KIF26B: variants seen among roughly 807,000 people sequenced by gnomAD.
KIF26B encodes kinesin-like protein KIF26B.
In KIF26B, 63 loss-of-function variants were observed where a neutral mutation model predicts 151.2. That is an observed-to-expected ratio of 0.42 (90% CI 0.34 to 0.51). The LOEUF (loss-of-function observed/expected upper bound fraction) is 0.51, where lower values mean the gene tolerates loss of function less well. KIF26B is among the 20% of genes least tolerant of loss of function. The probability of loss-of-function intolerance (pLI) is 0.07; values close to 1 mark genes in which losing one functional copy is unlikely to be tolerated. For missense variants in KIF26B, 2,813 were observed against 2,913.6 expected (o/e 0.97, Z 0.79); for synonymous variants, 1,357 against 1,262.1 (o/e 1.08, Z -1.59).
At chr1:245,200,638 G>C (rs546499247) in intron 2 of KIF26B, among the ~76,000 whole-genome samples, 1 of 152,022 alleles carries the variant, frequency 6.6e-6, no homozygotes, top group South Asian at 2.1e-4. Flanking sequence ...TTTTCTCTCT[G>C]TTTTCAGAAA....
intron 2 of KIF26B, among the ~76,000 whole-genome samples, chr1:245,235,508 G>A (rs900879592): frequency 6.6e-6 from 1 of 151,970 alleles, no homozygotes; most frequent in Non-Finnish European, 1.5e-5. Context: ...TGGGGGGATC[G>A]CTTGAGCCTA....
chr1:245,377,372 T>C (rs1673302924), intron 3 of KIF26B, among the ~76,000 whole-genome samples: 1 of 152,210 alleles, frequency 6.6e-6, no homozygotes, highest in South Asian at 2.1e-4. Context: ...TTCTGATGCA[T>C]CCCTCCAATC....
At position 245,520,658 on chromosome 1, in the gene KIF26B, AT is replaced by A. The variant is rs1661081360; in HGVS notation, c.1167-20108del. On this transcript the variant is annotated intron_variant, in intron 4 of 14. Transcript: ENST00000407071. ...CATCCATCCATCCATCCATCCATCCATCCATTCTGTAAGTGTTTATTGAGTA... is the reference window on the plus strand; with the variant it reads ...CATCCATCCATCCATCCATCCATCCACCATTCTGTAAGTGTTTATTGAGTA... Among the ~76,000 whole-genome samples the A allele has an allele frequency of 2.7e-5, 4 of 150,390 alleles. No individual in the cohort carries two copies. In the South Asian group the frequency reaches 8.5e-4, roughly 32 times the overall value.
chr1:245,669,711 G>A (rs147634469), intron 10 of KIF26B, among the ~76,000 whole-genome samples: 100 of 152,332 alleles, frequency 6.6e-4, no homozygotes, highest in African/African-American at 1.8e-3. Flanking sequence ...ATTGCAGTCC[G>A]TGTGCGTTGC....
intron 2 of KIF26B, among the ~76,000 whole-genome samples, chr1:245,220,140 G>A (rs1037363292): frequency 6.6e-6 from 1 of 152,148 alleles, no homozygotes; most frequent in Non-Finnish European, 1.5e-5. Context: ...GAAGACCAGT[G>A]GGTAATTTGG....
At chr1:245,659,383 A>G (rs767434590) in intron 10 of KIF26B, among the ~76,000 whole-genome samples, 1 of 152,180 alleles carries the variant, frequency 6.6e-6, no homozygotes, top group Non-Finnish European at 1.5e-5. Flanking sequence ...TAGCCTGCCC[A>G]GCTTCCCAGA....
At chr1:245,509,526 G>A (rs1191476708) in intron 4 of KIF26B, among the ~76,000 whole-genome samples, 2 of 152,162 alleles carry the variant, frequency 1.3e-5, no homozygotes, top group Non-Finnish European at 1.5e-5. Context: ...TGTTCCCATA[G>A]GTGTTGCATT....
At chr1:245,374,092 A>AAAAAAAAAAT (rs1673207690) in intron 3 of KIF26B, among the ~76,000 whole-genome samples, 1 of 13,402 alleles carries the variant, frequency 7.5e-5, no homozygotes, top group Non-Finnish European at 1.2e-4. Context: ...AAAAAAAAAA[A>AAAAAAAAAAT]AAATATATAT....
intron 2 of KIF26B, among the ~76,000 whole-genome samples, chr1:245,261,400 G>A (rs1490351705): frequency 6.6e-6 from 1 of 151,612 alleles, no homozygotes; most frequent in Non-Finnish European, 1.5e-5. Context: ...CAAAGTGCTG[G>A]GATTAGAGGC....
rs2043406591 is a variant in KIF26B, at chr1:245,602,469, A to T, written c.1351-108A>T. The stretch of plus-strand genomic sequence containing the variant: ...GCATTTCATCATAATTTATCCTGAG[A>T]AAGTTCAGTGCTGCCATGTGCATGT... On this transcript the variant is annotated intron_variant, in intron 5 of 14. Coordinates refer to ENST00000407071, the MANE Select transcript of KIF26B (RefSeq NM_018012.4). The surrounding 1 kb of genome is among the most constrained non-coding windows in gnomAD (Gnocchi z 4.5). 2.5e-6 allele frequency: 2 copies of T among 803,782 alleles called. No homozygotes were observed. The highest frequency in any genetic ancestry group is 2.7e-5 in the East Asian group (1 of 37,220). The allele number at this position is 803,782 out of a possible 1,614,324, so 49.8% of individuals were successfully genotyped here.
rs530816572 is a variant in KIF26B, at chr1:245,266,077, T to C, written c.466-100757T>C. Among the ~76,000 whole-genome samples, 6 of 152,290 alleles carry C rather than the reference T, an allele frequency of 3.9e-5. No homozygotes were observed. In the East Asian group the frequency reaches 1.2e-3, roughly 29 times the overall value. On this transcript the variant is annotated intron_variant, in intron 2 of 14. Coordinates refer to ENST00000407071, the MANE Select transcript of KIF26B (RefSeq NM_018012.4). ...CAATATATATAACTGAAAAAGGATT[T>C]GTATTTAGAGTATGTAAAGAACTAT...
chr1:245,684,364 G>C lies in KIF26B; in HGVS notation c.2390G>C (p.Arg797Thr). 6.2e-7 allele frequency: 1 copy of C among 1,613,152 alleles called. No homozygotes were observed. The highest frequency in any genetic ancestry group is 1.1e-5 in the South Asian group (1 of 90,994). ...CTGTCCACCATCCAGATTGCATCGA[G>C]AGTCTTGAGGATGAAGAAAAAGAAG... ...ETLSTIQIAS[R>T]VLRMKKKKTK... The change falls in exon 11 of 15, where the codon AGA becomes ACA. Residue 797 changes from arginine to threonine, a missense_variant. Physicochemically the swap from Arg to Thr is moderately conservative, Grantham distance 71. Coordinates refer to ENST00000407071, the MANE Select transcript of KIF26B (RefSeq NM_018012.4).
intron 9 of KIF26B, among the ~76,000 whole-genome samples, chr1:245,644,319 T>A (rs1490695186): frequency 2.6e-5 from 4 of 152,214 alleles, no homozygotes; most frequent in African/African-American, 9.6e-5. Context: ...GTAGTTTTTA[T>A]CTCTAGAGGT....
chr1:245,284,946 C>T (rs1292458081), intron 2 of KIF26B, among the ~76,000 whole-genome samples: 1 of 152,150 alleles, frequency 6.6e-6, no homozygotes, highest in African/African-American at 2.4e-5. Flanking sequence ...GGCTGAGGCA[C>T]AAGAATCACT....
At chr1:245,451,844 C>T (rs2103053326) in intron 4 of KIF26B, among the ~76,000 whole-genome samples, 1 of 152,132 alleles carries the variant, frequency 6.6e-6, no homozygotes, top group African/African-American at 2.4e-5. Flanking sequence ...AGGTGATCCA[C>T]CCACCTCGGC....
At chr1:245,556,960 A>C (rs9628692) in intron 5 of KIF26B, among the ~76,000 whole-genome samples, 95,118 of 152,022 alleles carry the variant, frequency 0.63, 30,226 homozygotes, top group Middle Eastern at 0.71. Flanking sequence ...CCCATTCTCC[A>C]AAATTAACCC....
chr1:245,194,858 A>G (rs1172704364), intron 2 of KIF26B, among the ~76,000 whole-genome samples: 1 of 152,138 alleles, frequency 6.6e-6, no homozygotes, highest in African/African-American at 2.4e-5. Flanking sequence ...TAATTTCTTC[A>G]CTCTGTGAAG....
chr1:245,395,966 T>C lies in KIF26B; in HGVS notation c.1000-23613T>C, dbSNP rs142934571. On this transcript the variant is annotated intron_variant, in intron 3 of 14. Transcript: ENST00000407071. ...GGGAAATTTCTTCCTAGCGATGGTG[T>C]TGTAAAAAATTCACAACTGTGGCAG... 2.6e-3 allele frequency among the ~76,000 whole-genome samples: 397 copies of C among 152,304 alleles called. 1 individual carries two copies. Among genetic ancestry groups the C allele is most frequent in the African/African-American group, 9.0e-3 (373 of 41,568 alleles).
chr1:245,546,269 T>C (rs113695803), intron 5 of KIF26B, among the ~76,000 whole-genome samples: 3,078 of 152,192 alleles, frequency 0.02, 124 homozygotes, highest in African/African-American at 0.069. Flanking sequence ...CAGGCTGGAG[T>C]GCAATGGCAC....
Sources: allele counts gnomAD v4.1 joint callset (sites outside exome capture counted in the v4.1 genomes callset), GRCh38; gene constraint gnomAD v4.1.1; non-coding constraint Gnocchi (gnomAD v3.1); transcripts MANE v1.5; gene names NCBI Gene and HGNC (gene_info 2026-07-23, HGNC 2026-07-21).